SORCS1: variants seen among roughly 807,000 people sequenced by gnomAD.
SORCS1 encodes the protein sortilin related VPS10 domain containing receptor 1.
SORCS1 carries 60 observed loss-of-function variants against 146.1 expected under a neutral mutation model. The ratio of observed to expected loss-of-function variants is 0.41; its 90% confidence interval spans 0.33 to 0.51. The LOEUF is 0.51. SORCS1 is among the 20% of genes least tolerant of loss of function. The pLI, the probability that SORCS1 is intolerant of heterozygous loss-of-function variation, is 0.21. For synonymous variants in SORCS1, 637 were observed against 584.0 expected (o/e 1.09, Z -1.31); for missense variants, 1,352 against 1,487.6 (o/e 0.91, Z 1.50).
chr10:106,874,471 A>G (rs1251699409), intron 2 of SORCS1, among the ~76,000 whole-genome samples: 1 of 152,250 alleles, frequency 6.6e-6, no homozygotes, highest in East Asian at 1.9e-4. Flanking sequence ...ACAATACTCA[A>G]TAAAACAAGC....
intron 8 of SORCS1, among the ~76,000 whole-genome samples, chr10:106,705,975 G>T (rs1854488289): frequency 6.6e-6 from 1 of 152,194 alleles, no homozygotes; most frequent in Non-Finnish European, 1.5e-5. Context: ...GCAAAGGCTG[G>T]TGCCACGTCA....
chr10:106,986,790 G>A (rs1218796834), intron 1 of SORCS1, among the ~76,000 whole-genome samples: 1 of 152,070 alleles, frequency 6.6e-6, no homozygotes, highest in African/African-American at 2.4e-5. Flanking sequence ...TAGATCGTAT[G>A]TTTTCACTTC....
At chr10:106,764,457 A>G (rs1859390967) in intron 4 of SORCS1, among the ~76,000 whole-genome samples, 1 of 152,200 alleles carries the variant, frequency 6.6e-6, no homozygotes, top group Non-Finnish European at 1.5e-5. Context: ...GAATGAGTCA[A>G]TGTCCTTTAA....
chr10:106,746,566 A>C (rs1857760562), intron 5 of SORCS1, among the ~76,000 whole-genome samples: 1 of 152,246 alleles, frequency 6.6e-6, no homozygotes, highest in African/African-American at 2.4e-5. Flanking sequence ...CATTTCGACA[A>C]TCACAAAATA....
At chr10:106,918,750 C>T (rs572039600) in intron 2 of SORCS1, among the ~76,000 whole-genome samples, 2 of 152,306 alleles carry the variant, frequency 1.3e-5, no homozygotes, top group African/African-American at 4.8e-5. Context: ...AAGTTTTATA[C>T]TTAATTTTAC....
intron 1 of SORCS1, among the ~76,000 whole-genome samples, chr10:106,958,210 T>C (rs1955056147): frequency 6.6e-6 from 1 of 152,202 alleles, no homozygotes; most frequent in African/African-American, 2.4e-5. Flanking sequence ...GGAAAAACAT[T>C]ATGGGTTTGC....
chr10:106,742,578 C>T (rs557816245), intron 5 of SORCS1, among the ~76,000 whole-genome samples: 1 of 152,250 alleles, frequency 6.6e-6, no homozygotes, highest in African/African-American at 2.4e-5. Flanking sequence ...TGAGGTTTCA[C>T]TATGTTGGCC....
At chr10:107,110,090 A>C (rs1224828942) in intron 1 of SORCS1, among the ~76,000 whole-genome samples, 2 of 152,196 alleles carry the variant, frequency 1.3e-5, no homozygotes, top group East Asian at 3.8e-4. Flanking sequence ...TTCACTGTCC[A>C]TATCACTAAC....
At chr10:106,593,407 A>G (rs1469433596) in intron 24 of SORCS1, among the ~76,000 whole-genome samples, 3 of 152,154 alleles carry the variant, frequency 2.0e-5, no homozygotes, top group Admixed American at 6.6e-5. Context: ...TGTCTTTTGC[A>G]TAAGAAAATC....
intron 2 of SORCS1, among the ~76,000 whole-genome samples, chr10:106,848,044 A>G (rs1400238148): frequency 1.6e-5 from 2 of 125,894 alleles, no homozygotes; most frequent in Admixed American, 1.7e-4. Context: ...TGTGGTGCTG[A>G]AAAAAATGTA....
At chr10:106,972,022 T>G (rs1018828158) in intron 1 of SORCS1, among the ~76,000 whole-genome samples, 2 of 152,156 alleles carry the variant, frequency 1.3e-5, no homozygotes, top group Non-Finnish European at 2.9e-5. Context: ...TTGTATGACT[T>G]TAGTTAATTC....
At position 106,672,333 on chromosome 10, in the gene SORCS1, C is replaced by A. The variant is rs552824045; in HGVS notation, c.2058+535G>T. On this transcript the variant is annotated intron_variant, in intron 15 of 25. Transcript: ENST00000263054. The stretch of plus-strand genomic sequence containing the variant: ...TGATATAAGCTGGATATGTGAGAGG[C>A]CAGGACAAATGAAAGTTTCCTATTA... Among the ~76,000 whole-genome samples, 22 of 152,196 alleles carry A rather than the reference C, an allele frequency of 1.4e-4. No individual in the cohort carries two copies. In the South Asian group the frequency reaches 4.4e-3, roughly 30 times the overall value.
chr10:106,616,443 T>A (rs907018037), intron 21 of SORCS1, among the ~76,000 whole-genome samples: 1 of 152,132 alleles, frequency 6.6e-6, no homozygotes, highest in Non-Finnish European at 1.5e-5. Flanking sequence ...AAGTTATTCA[T>A]CACTCTGAAA....
chr10:107,172,804 G>T, the SORCS1 span, among the ~76,000 whole-genome samples: 4 of 152,150 alleles, frequency 2.6e-5, no homozygotes, highest in East Asian at 5.8e-4. Flanking sequence ...TTGAATCAAT[G>T]AATATGGCAA....
rs34184443 is a variant in SORCS1, at chr10:107,092,883, GAA to G, written c.558+71084_558+71085del. 8.1e-3 allele frequency among the ~76,000 whole-genome samples: 500 copies of G among 61,514 alleles called. 1 individual carries two copies. The highest frequency in any genetic ancestry group is 0.028 in the African/African-American group (444 of 16,110). 40.4% of individuals were successfully genotyped at this position (61,514 alleles called of 152,430 possible). The stretch of plus-strand genomic sequence containing the variant: ...GGTTCACGGGCTAAAAGAAGACCAT[GAA>G]AAAAAAAAAAAAAAAAAAAAACCTT... On this transcript the variant is annotated intron_variant, in intron 1 of 25. Coordinates refer to ENST00000263054, the MANE Select transcript of SORCS1 (RefSeq NM_052918.5).
At chr10:106,817,525 G>C (rs1947801788) in intron 3 of SORCS1, among the ~76,000 whole-genome samples, 1 of 152,048 alleles carries the variant, frequency 6.6e-6, no homozygotes, top group Admixed American at 6.6e-5. Flanking sequence ...CTGTGATCCA[G>C]ACCACCTCCT....
Position 107,164,126 on chromosome 10 carries a change from T to C in SORCS1, c.401A>G (p.Asp134Gly). Reference sequence around the variant, plus strand: ...AGTCCCAGGCTCCTGCTGCCCTCCATCTCTTAGCACTCCCCGGGGGCTCCG... The same window carrying C: ...AGTCCCAGGCTCCTGCTGCCCTCCACCTCTTAGCACTCCCCGGGGGCTCCG... ...ASRSPRGVLR[D>G]GGQQEPGTRE... The change falls in exon 1 of 26, where the codon GAT becomes GGT. Residue 134 changes from aspartate to glycine, a missense_variant. This residue lies in a region of SORCS1 where 490 missense variants were observed against 489.1 expected (regional missense o/e 1.00). Transcript: ENST00000263054. This position sits in a 1 kb window ranked among gnomAD's most constrained non-coding sequence, Gnocchi z 6.8. 1 of 1,613,546 alleles carries C rather than the reference T, an allele frequency of 6.2e-7. No individual in the cohort carries two copies.
At chr10:106,911,541 C>T (rs1952154258) in intron 2 of SORCS1, among the ~76,000 whole-genome samples, 1 of 152,058 alleles carries the variant, frequency 6.6e-6, no homozygotes, top group Admixed American at 6.6e-5. Context: ...GGATCACGAA[C>T]TCAGTATTGG....
chr10:107,100,305 A>C (rs1371628048), intron 1 of SORCS1, among the ~76,000 whole-genome samples: 1 of 152,148 alleles, frequency 6.6e-6, no homozygotes, highest in Non-Finnish European at 1.5e-5. Flanking sequence ...CGAGGTCAGG[A>C]GATCCAGACC....
Sources: gnomAD v4.1 joint callset for allele counts (sites outside exome capture counted in the v4.1 genomes callset) on GRCh38, gnomAD v4.1.1 for gene constraint, gnomAD v4.1.1 regional missense constraint, Gnocchi (gnomAD v3.1) non-coding constraint, MANE v1.5 for transcripts, NCBI Gene and HGNC (gene_info 2026-07-23, HGNC 2026-07-21) for gene names.